ADGRV1: variants seen among roughly 807,000 people sequenced by gnomAD.
ADGRV1 encodes the protein adhesion G protein-coupled receptor V1, also known as G-protein coupled receptor 98.
ADGRV1 carries 359 observed loss-of-function variants against 596.2 expected under a neutral mutation model. The ratio of observed to expected loss-of-function variants is 0.60; its 90% CI spans 0.55 to 0.66. The LOEUF (loss-of-function observed/expected upper bound fraction) is 0.66, where lower values mean the gene tolerates loss of function less well. Among genes scored for constraint, ADGRV1 ranks in the 30% least tolerant of loss-of-function variants. The pLI is 0.00. For missense variants in ADGRV1, 7,274 were observed against 7,575.6 expected, an observed-to-expected ratio of 0.96 and a Z score of 1.48; for synonymous variants, 2,681 against 2,679.2, an observed-to-expected ratio of 1.00 and a Z score of -0.02.
intron 89 of ADGRV1, among the ~76,000 whole-genome samples, chr5:91,163,167 G>A (rs546989983): frequency 7.2e-5 from 11 of 152,308 alleles, no homozygotes; most frequent in South Asian, 6.2e-4. Context: ...GATTCTGAGC[G>A]CTGTCAGTAG....
In ADGRV1 at chr5:90,679,385, A is replaced by G. The variant is rs7721378; in HGVS notation, c.5444-164A>G. 0.034 allele frequency among the ~76,000 whole-genome samples: 5,221 copies of G among 152,284 alleles called. 176 individuals carry two copies. The highest frequency in any genetic ancestry group is 0.09 in the African/African-American group (3,756 of 41,566). On this transcript the variant is annotated intron_variant, in intron 25 of 89. Coordinates refer to ENST00000405460, the MANE Select transcript of ADGRV1 (RefSeq NM_032119.4). ...ATAATTTGGTAGCTTGACTGGTGCT[A>G]TAATTCTACTATTTAAAATGATCCA... is the stretch of plus-strand genomic sequence containing the variant.
chr5:90,952,054 A>G (rs183758677), intron 83 of ADGRV1, among the ~76,000 whole-genome samples: 1 of 152,334 alleles, frequency 6.6e-6, no homozygotes, highest in African/African-American at 2.4e-5. Context: ...CAGATGTAAA[A>G]TAAATAAAAG....
chr5:90,765,869 G>GT (rs569009519), intron 59 of ADGRV1, among the ~76,000 whole-genome samples: 1,725 of 141,512 alleles, frequency 0.012, 35 homozygotes, highest in African/African-American at 0.04. Flanking sequence ...ATGCCTGGCT[G>GT]TTTTTTTTTT....
At chr5:90,578,230 A>G (rs1757499222) in intron 1 of ADGRV1, among the ~76,000 whole-genome samples, 1 of 152,168 alleles carries the variant, frequency 6.6e-6, no homozygotes, top group African/African-American at 2.4e-5. Flanking sequence ...CCCATTCAGT[A>G]TGATATTGGC....
chr5:91,045,605 A>T (rs1218165317), intron 85 of ADGRV1, among the ~76,000 whole-genome samples: 1 of 152,152 alleles, frequency 6.6e-6, no homozygotes, highest in Non-Finnish European at 1.5e-5. Flanking sequence ...AAAAGTTGAG[A>T]ACTGCAATAA....
At chr5:90,946,842 A>G (rs889051506) in intron 83 of ADGRV1, among the ~76,000 whole-genome samples, 7 of 151,904 alleles carry the variant, frequency 4.6e-5, no homozygotes, top group Non-Finnish European at 8.8e-5. Context: ...TATGTACCAC[A>G]TTTTCTTTAT....
At chr5:91,056,696 TC>T (rs1481778442) in intron 85 of ADGRV1, among the ~76,000 whole-genome samples, 1 of 152,114 alleles carries the variant, frequency 6.6e-6, no homozygotes, top group Non-Finnish European at 1.5e-5. Context: ...ATTGTCAACT[TC>T]CGATGGCTGC....
intron 85 of ADGRV1, among the ~76,000 whole-genome samples, chr5:91,050,564 A>G (rs1252204885): frequency 2.0e-5 from 3 of 152,254 alleles, no homozygotes; most frequent in African/African-American, 4.8e-5. Flanking sequence ...TTGTTTTTTA[A>G]AAAAGTCTTT....
intron 85 of ADGRV1, among the ~76,000 whole-genome samples, chr5:90,992,797 G>A (rs575470791): frequency 6.6e-6 from 1 of 152,142 alleles, no homozygotes; most frequent in South Asian, 2.1e-4. Context: ...GGTTTATATA[G>A]TTTTTCATGC....
At chr5:91,122,090 T>A (rs1793370202) in intron 87 of ADGRV1, among the ~76,000 whole-genome samples, 1 of 152,198 alleles carries the variant, frequency 6.6e-6, no homozygotes, top group Non-Finnish European at 1.5e-5. Flanking sequence ...TAGATTGTAA[T>A]CAAATTAGTG....
chr5:90,893,759 A>G (rs1771047244), intron 83 of ADGRV1, among the ~76,000 whole-genome samples: 1 of 152,212 alleles, frequency 6.6e-6, no homozygotes, highest in African/African-American at 2.4e-5. Context: ...ACTCATAAGG[A>G]TTACTTGTAA....
At chr5:90,756,953 C>T (rs367988598) in intron 56 of ADGRV1, 26 bp from the exon 57 acceptor site, 142 of 1,515,666 alleles carry the variant, frequency 9.4e-5, no homozygotes, top group Non-Finnish European at 1.3e-4. Flanking sequence ...TTTATCTTGC[C>T]TTTCAATTAT....
chr5:91,026,929 G>T (rs1377128426), intron 85 of ADGRV1, among the ~76,000 whole-genome samples: 1 of 151,838 alleles, frequency 6.6e-6, no homozygotes, highest in African/African-American at 2.4e-5. Flanking sequence ...ATCACTTGAG[G>T]CCAGGAGTTC....
At chr5:91,020,927 G>A (rs531648797) in intron 85 of ADGRV1, among the ~76,000 whole-genome samples, 74 of 152,058 alleles carry the variant, frequency 4.9e-4, no homozygotes, top group Admixed American at 1.0e-3. Context: ...AAGTATTTTC[G>A]TTGAATGTCA....
chr5:90,578,223 A>G (rs1242876655), intron 1 of ADGRV1, among the ~76,000 whole-genome samples: 3 of 152,184 alleles, frequency 2.0e-5, no homozygotes, highest in African/African-American at 7.2e-5. Context: ...GTTTTTGCCC[A>G]TTCAGTATGA....
intron 87 of ADGRV1, among the ~76,000 whole-genome samples, chr5:91,130,855 T>G (rs1049664634): frequency 6.6e-6 from 1 of 152,380 alleles, no homozygotes; most frequent in East Asian, 1.9e-4. Context: ...GTTCCACTTA[T>G]AAGCGAGGAC....
At chr5:90,648,579 G>C (rs957620992) in intron 17 of ADGRV1, among the ~76,000 whole-genome samples, 1 of 152,140 alleles carries the variant, frequency 6.6e-6, no homozygotes, top group African/African-American at 2.4e-5. Context: ...GTTCCACCTT[G>C]TGCCTTTTGG....
intron 84 of ADGRV1, among the ~76,000 whole-genome samples, chr5:90,978,631 C>T (rs1779826732): frequency 6.6e-6 from 1 of 152,040 alleles, no homozygotes; most frequent in South Asian, 2.1e-4. Context: ...GATGGATACC[C>T]CAATTACCCT....
Position 90,681,426 on chromosome 5 carries a change from A to G in ADGRV1, c.5636A>G (p.Glu1879Gly), listed in dbSNP as rs755862121. 1 of 1,613,866 alleles carries G rather than the reference A, an allele frequency of 6.2e-7. No individual in the cohort carries two copies. The highest frequency in any genetic ancestry group is 8.5e-7 in the Non-Finnish European group (1 of 1,179,790). ...CTCTTTGTCAGTGGAACTGAACCAG[A>G]AGATGGGTATAGCACTGTTACATTA... ...ESLFVSGTEP[E>G]DGYSTVTLNV... Residue 1879 changes from glutamate (E) to glycine (G), a missense_variant, in exon 27 of 90, where the codon GAA (glutamate) becomes GGA (glycine). Physicochemically the swap from Glu to Gly is moderately conservative, Grantham distance 98. This residue lies in a region of ADGRV1 where 3,643 missense variants were observed against 3,809.2 expected (regional missense o/e 0.96). Transcript: ENST00000405460.
Sources: gnomAD v4.1 joint callset for allele counts (sites outside exome capture counted in the v4.1 genomes callset) on GRCh38, gnomAD v4.1.1 for gene constraint, gnomAD v4.1.1 regional missense constraint, MANE v1.5 for transcripts, NCBI Gene and HGNC (gene_info 2026-07-23, HGNC 2026-07-21) for gene names.